The following SLC20A2 variants were observed in gnomAD, a reference collection of about 807,000 sequenced individuals.
SLC20A2 encodes the protein solute carrier family 20 member 2.
Under a neutral mutation model 61.0 loss-of-function variants are expected in SLC20A2, and 30 were observed. The ratio of observed to expected loss-of-function variants is 0.49; its 90% CI spans 0.37 to 0.67. The LOEUF is 0.67. Among genes scored for constraint, SLC20A2 ranks in the 30% least tolerant of loss-of-function variants. The probability of loss-of-function intolerance (pLI) is 0.00; values close to 1 mark genes in which losing one functional copy is unlikely to be tolerated. For synonymous variants in SLC20A2, 351 were observed against 353.3 expected (o/e 0.99, Z 0.07); for missense variants, 626 against 866.4 (o/e 0.72, Z 3.48).
intron 5 of SLC20A2, among the ~76,000 whole-genome samples, chr8:42,448,908 G>GTGTAC (rs1805444393): frequency 6.6e-6 from 1 of 152,146 alleles, no homozygotes; most frequent in African/African-American, 2.4e-5. Flanking sequence ...AAAGTAAACT[G>GTGTAC]ACAGTTACCT....
intron 5 of SLC20A2, among the ~76,000 whole-genome samples, chr8:42,458,078 T>C (rs914827410): frequency 2.6e-5 from 4 of 152,166 alleles, no homozygotes; most frequent in African/African-American, 9.7e-5. Context: ...TCTGTCAACA[T>C]GGCCAATAAC....
intron 1 of SLC20A2, among the ~76,000 whole-genome samples, chr8:42,525,490 G>C (rs1322387097): frequency 6.7e-6 from 1 of 150,052 alleles, no homozygotes; most frequent in Non-Finnish European, 1.5e-5. Context: ...GCTGAGGCAG[G>C]AGAATTGCTC....
chr8:42,465,139 ACT>A (rs1383857243), intron 3 of SLC20A2, among the ~76,000 whole-genome samples: 3 of 151,480 alleles, frequency 2.0e-5, no homozygotes, highest in Non-Finnish European at 2.9e-5. Flanking sequence ...CTCACTGCAA[ACT>A]CTGCCTTCCA....
In SLC20A2 at chr8:42,437,998, A is replaced by ATCTTT. The variant is rs1804435412; in HGVS notation, c.935-422_935-421insAAAGA. ...AGAAGGCTGGGGATGACTTATTAAC[A>ATCTTT]TATACTTTCTTTTCTAAGTTGGCCA... On this transcript the variant is annotated intron_variant, in intron 7 of 10. Transcript: ENST00000520262. The surrounding 1 kb of genome is among the most constrained non-coding windows in gnomAD (Gnocchi z 6.4). Among the ~76,000 whole-genome samples the ATCTTT allele has an allele frequency of 6.8e-6, 1 of 147,504 alleles. No homozygotes were observed. Among genetic ancestry groups the ATCTTT allele is most frequent in the Non-Finnish European group, 1.5e-5 (1 of 67,180 alleles).
Position 42,417,590 on chromosome 8 carries a change from T to G in SLC20A2, c.*213A>C. On this transcript the variant is annotated 3_prime_UTR_variant, in exon 11 of 11. Coordinates refer to ENST00000520262, the MANE Select transcript of SLC20A2 (RefSeq NM_001257180.2). ...CACCACGATACCAGTTTAATACATA[T>G]TATTATGTACAGTAGTTAAGTTAGC... The G allele has an allele frequency of 4.6e-6, 2 of 433,766 alleles. No individual in the cohort carries two copies. Among genetic ancestry groups the G allele is most frequent in the Admixed American group, 3.4e-5 (1 of 29,776 alleles). 26.9% of individuals were successfully genotyped at this position (433,766 alleles called of 1,614,324 possible).
chr8:42,423,995 T>G (rs1216787214), intron 10 of SLC20A2, among the ~76,000 whole-genome samples: 1 of 152,214 alleles, frequency 6.6e-6, no homozygotes, highest in African/African-American at 2.4e-5. Context: ...TGTATGCTGT[T>G]CCAAATTGAA....
chr8:42,435,156 C>T (rs760590115), intron 8 of SLC20A2, among the ~76,000 whole-genome samples: 2 of 152,094 alleles, frequency 1.3e-5, no homozygotes, highest in Non-Finnish European at 2.9e-5. Flanking sequence ...ATGCTGTCTC[C>T]AAGAAAATAC....
At chr8:42,477,732 A>G (rs1808236662) in intron 1 of SLC20A2, among the ~76,000 whole-genome samples, 2 of 151,850 alleles carry the variant, frequency 1.3e-5, no homozygotes, top group Middle Eastern at 3.4e-3. Context: ...TGGCCTCCCA[A>G]AGTGCTGCAA....
intron 10 of SLC20A2, among the ~76,000 whole-genome samples, chr8:42,422,691 A>T (rs2130927678): frequency 6.6e-6 from 1 of 152,140 alleles, no homozygotes; most frequent in Admixed American, 6.5e-5. Context: ...CCTTAATTTC[A>T]TCCTATTGTT....
chr8:42,464,285 T>C (rs1478382698), intron 3 of SLC20A2, among the ~76,000 whole-genome samples: 1 of 141,720 alleles, frequency 7.1e-6, no homozygotes, highest in Non-Finnish European at 1.6e-5. Flanking sequence ...TTTTCTTTCT[T>C]TTTTTTTTTT....
chr8:42,460,686 T>C (rs1377195232), intron 4 of SLC20A2, among the ~76,000 whole-genome samples: 1 of 152,186 alleles, frequency 6.6e-6, no homozygotes. Flanking sequence ...ATCTAGTAAG[T>C]TCAACACGAA....
intron 1 of SLC20A2, among the ~76,000 whole-genome samples, chr8:42,530,645 TA>T (rs1474021922): frequency 2.0e-5 from 3 of 152,182 alleles, no homozygotes; most frequent in African/African-American, 7.2e-5. Context: ...AGACATCTGG[TA>T]AACTGATCAG....
intron 1 of SLC20A2, among the ~76,000 whole-genome samples, chr8:42,510,290 A>G (rs34547923): frequency 0.066 from 10,072 of 152,268 alleles, 433 homozygotes; most frequent in Middle Eastern, 0.16. Flanking sequence ...TACAGTATTT[A>G]TTTGTTTAGA....
intron 1 of SLC20A2, among the ~76,000 whole-genome samples, chr8:42,512,682 A>T (rs1811098684): frequency 6.6e-6 from 1 of 152,208 alleles, no homozygotes; most frequent in Admixed American, 6.5e-5. Context: ...GATGGATAAA[A>T]ATGTAAAAGG....
At position 42,512,808 on chromosome 8, in the gene SLC20A2, T is replaced by C. The variant is rs1811104928; in HGVS notation, c.-265+29013A>G. On this transcript the variant is annotated intron_variant, in intron 1 of 10. Coordinates refer to the SLC20A2 transcript ENST00000342228. ...CTAGTTAGACAAAGAGCATTCAAGT[T>C]GTTCATACACAGCAGATCAGAACTA... 3.3e-5 allele frequency among the ~76,000 whole-genome samples: 5 copies of C among 152,256 alleles called. No individual in the cohort carries two copies. The South Asian group carries it at 1.0e-3, about 31-fold the overall frequency.
chr8:42,541,912 C>T (rs1437231933), exon 1 of SLC20A2: 1 of 152,170 alleles, frequency 6.6e-6, no homozygotes, highest in Non-Finnish European at 1.5e-5. Context: ...TGCGAGTCGC[C>T]CGCTTCCGGA....
intron 5 of SLC20A2, among the ~76,000 whole-genome samples, chr8:42,451,145 A>G (rs1805601339): frequency 6.6e-6 from 1 of 151,934 alleles, no homozygotes; most frequent in African/African-American, 2.4e-5. Context: ...GAGGAGGAAC[A>G]GGGGGAGGAG....
intron 10 of SLC20A2, among the ~76,000 whole-genome samples, chr8:42,426,493 C>T (rs184981818): frequency 2.6e-5 from 4 of 152,240 alleles, no homozygotes; most frequent in East Asian, 1.9e-4. Context: ...GTCAGGAGTT[C>T]GAGACCAGCC....
At chr8:42,498,435 T>A (rs1810086720) in intron 1 of SLC20A2, among the ~76,000 whole-genome samples, 1 of 152,184 alleles carries the variant, frequency 6.6e-6, no homozygotes, top group Admixed American at 6.5e-5. Flanking sequence ...GTTTCCCTTT[T>A]CTTCATTTTC....
Sources: allele counts gnomAD v4.1 joint callset (sites outside exome capture counted in the v4.1 genomes callset), GRCh38; gene constraint gnomAD v4.1.1; non-coding constraint Gnocchi (gnomAD v3.1); transcripts MANE v1.5; gene names NCBI Gene and HGNC (gene_info 2026-07-23, HGNC 2026-07-21).